Variants in SIMC1 observed in about 807,000 individuals in gnomAD.
SIMC1 encodes SUMO-interacting motif-containing protein 1.
SIMC1 carries 55 observed loss-of-function variants against 82.3 expected under a neutral mutation model. The observed-to-expected ratio is 0.67, with a 90% CI of 0.54 to 0.84. The LOEUF (loss-of-function observed/expected upper bound fraction) is 0.84, where lower values mean the gene tolerates loss of function less well. Ranked by LOEUF, SIMC1 falls within the 40% of genes least tolerant of loss-of-function variation. The probability of loss-of-function intolerance (pLI) is 0.00; values close to 1 mark genes in which losing one functional copy is unlikely to be tolerated. For missense variants in SIMC1, 915 were observed against 1,107.2 expected (o/e 0.83, Z 2.46); for synonymous variants, 353 against 426.3 (o/e 0.83, Z 2.12).
At chr5:176,304,467 A>T (rs527844812) in intron 4 of SIMC1, 11 of 172,670 alleles carry the variant, frequency 6.4e-5, no homozygotes, top group Non-Finnish European at 1.4e-4. Context: ...GGGATTGCAG[A>T]TGGAGTCTCG....
At chr5:176,311,630 GAT>G (rs1308503097) in intron 4 of SIMC1, among the ~76,000 whole-genome samples, 1 of 151,354 alleles carries the variant, frequency 6.6e-6, no homozygotes, top group Non-Finnish European at 1.5e-5. Context: ...AGTTGAAAGA[GAT>G]ATAATTACAG....
intron 4 of SIMC1, among the ~76,000 whole-genome samples, chr5:176,303,004 C>A (rs1053248812): frequency 6.6e-6 from 1 of 152,080 alleles, no homozygotes; most frequent in African/African-American, 2.4e-5. Context: ...CAACACAATT[C>A]CCATCAAAAT....
intron 1 of SIMC1, among the ~76,000 whole-genome samples, chr5:176,248,588 T>C (rs1313119693): frequency 1.3e-5 from 2 of 152,190 alleles, no homozygotes; most frequent in Non-Finnish European, 2.9e-5. Flanking sequence ...CCTATTTGAA[T>C]ACCCTTTATT....
intron 9 of SIMC1, among the ~76,000 whole-genome samples, chr5:176,344,193 T>C (rs1173426650): frequency 6.6e-6 from 1 of 152,192 alleles, no homozygotes; most frequent in East Asian, 1.9e-4. Flanking sequence ...CGGTCAAATA[T>C]GAAGCACTGT....
At chr5:176,288,676 C>T (rs775688415) in intron 1 of SIMC1, among the ~76,000 whole-genome samples, 4 of 152,176 alleles carry the variant, frequency 2.6e-5, no homozygotes, top group Non-Finnish European at 5.9e-5. Context: ...TTGACCCACT[C>T]AGAATTCTGT....
chr5:176,309,900 A>G (rs1764590682), intron 4 of SIMC1, among the ~76,000 whole-genome samples: 1 of 152,064 alleles, frequency 6.6e-6, no homozygotes, highest in South Asian at 2.1e-4. Flanking sequence ...ACACCACCAC[A>G]CTCCAACCTG....
chr5:176,262,711 A>C (rs186106396), intron 1 of SIMC1, among the ~76,000 whole-genome samples: 34 of 152,322 alleles, frequency 2.2e-4, no homozygotes, highest in African/African-American at 7.0e-4. Flanking sequence ...AGGCTGAGGC[A>C]GAAGAATCAC....
At chr5:176,329,039 T>C (rs928797535) in intron 7 of SIMC1, among the ~76,000 whole-genome samples, 1 of 152,202 alleles carries the variant, frequency 6.6e-6, no homozygotes, top group Non-Finnish European at 1.5e-5. Context: ...TATAGTACAA[T>C]ATCACAAATA....
At chr5:176,255,376 A>G (rs1194545735) in intron 1 of SIMC1, among the ~76,000 whole-genome samples, 1 of 151,058 alleles carries the variant, frequency 6.6e-6, no homozygotes, top group African/African-American at 2.4e-5. Context: ...GAGGACAGGA[A>G]TTTGAGACCA....
chr5:176,303,835 T>G (rs1393666310), intron 4 of SIMC1, among the ~76,000 whole-genome samples: 1 of 152,124 alleles, frequency 6.6e-6, no homozygotes, highest in Non-Finnish European at 1.5e-5. Flanking sequence ...TCTCTGAATG[T>G]CATAGGAAAA....
At position 176,295,176 on chromosome 5, in the gene SIMC1, T is replaced by C. The variant is rs1763759077; in HGVS notation, c.1578T>C (p.Ala526=). 10 of 1,613,442 alleles carry C rather than the reference T, an allele frequency of 6.2e-6. No homozygotes were observed. The highest frequency in any genetic ancestry group is 7.6e-6 in the Non-Finnish European group (9 of 1,179,654). ...PQHYPPREIV[A]HIIQKILLSG... is the part of the protein sequence containing the mutation. ...ATTACCCACCAAGAGAAATCGTGGC[T>C]CACATCATCCAGAAAATCTTGCTCA... The change falls in exon 3 of 10, where the codon GCT becomes GCC. Residue 526 remains alanine, a synonymous_variant. Coordinates refer to ENST00000429602, the MANE Select transcript of SIMC1 (RefSeq NM_001308195.2).
intron 1 of SIMC1, among the ~76,000 whole-genome samples, chr5:176,277,098 C>T (rs1192965965): frequency 6.6e-6 from 1 of 151,884 alleles, no homozygotes; most frequent in African/African-American, 2.4e-5. Context: ...TCCACATCCT[C>T]TCCAGCACCT....
In SIMC1 at chr5:176,345,907, G is replaced by A. The variant is rs1443636374; in HGVS notation, c.*462G>A. Reference sequence around the variant, plus strand: ...CCTGTTAATTTGACTGTAATGAATAGGGGGTAGAAACAAAAGGATCAAGTG... The same window carrying A: ...CCTGTTAATTTGACTGTAATGAATAAGGGGTAGAAACAAAAGGATCAAGTG... On this transcript the variant is annotated 3_prime_UTR_variant, in exon 10 of 10. Transcript: ENST00000429602. 6.6e-6 allele frequency: 1 copy of A among 152,154 alleles called. No individual in the cohort carries two copies. The highest frequency in any genetic ancestry group is 2.4e-5 in the African/African-American group (1 of 41,452). The allele number at this position is 152,154 out of a possible 1,614,324, so 9.4% of individuals were successfully genotyped here. A position where few individuals can be genotyped will look rare whatever the true frequency, so the allele number is the denominator to read the frequency against.
intron 1 of SIMC1, among the ~76,000 whole-genome samples, chr5:176,248,037 G>C (rs528384180): frequency 9.9e-5 from 15 of 152,056 alleles, no homozygotes; most frequent in Admixed American, 7.9e-4. Flanking sequence ...AACTCAGGTA[G>C]TGTGATGCCT....
intron 7 of SIMC1, among the ~76,000 whole-genome samples, chr5:176,333,691 G>A (rs536244681): frequency 6.6e-6 from 1 of 152,110 alleles, no homozygotes; most frequent in African/African-American, 2.4e-5. Flanking sequence ...GGGCCTCCCA[G>A]AGTGCTGGGA....
intron 2 of SIMC1, among the ~76,000 whole-genome samples, chr5:176,294,477 C>T (rs1763714395): frequency 6.6e-6 from 1 of 151,814 alleles, no homozygotes; most frequent in African/African-American, 2.4e-5. Flanking sequence ...CGGGGTTTCA[C>T]CATGTTGGCC....
At chr5:176,242,775 T>TG (rs1435135752) in intron 1 of SIMC1, among the ~76,000 whole-genome samples, 1 of 152,020 alleles carries the variant, frequency 6.6e-6, no homozygotes, top group East Asian at 1.9e-4. Context: ...AAATATTTAT[T>TG]GAACACTTAT....
At chr5:176,308,925 A>T in intron 4 of SIMC1, 1 of 1,268,186 alleles carries the variant, frequency 7.9e-7, no homozygotes, top group East Asian at 2.3e-5. Context: ...CAGTGGTTGG[A>T]GGACAGACTG....
chr5:176,341,301 G>T (rs1297584917), intron 9 of SIMC1, among the ~76,000 whole-genome samples: 1 of 152,260 alleles, frequency 6.6e-6, no homozygotes, highest in Admixed American at 6.5e-5. Flanking sequence ...AGCAGGGCAA[G>T]GATGTAGTGA....
Sources: allele counts gnomAD v4.1 joint callset (sites outside exome capture counted in the v4.1 genomes callset), GRCh38; gene constraint gnomAD v4.1.1; transcripts MANE v1.5; gene names NCBI Gene and HGNC (gene_info 2026-07-23, HGNC 2026-07-21).